MUCL1: variants seen among roughly 807,000 people sequenced by gnomAD.
MUCL1 encodes mucin-like protein 1.
MUCL1 carries 11 observed loss-of-function variants against 9.2 expected under a neutral mutation model. That is an observed-to-expected ratio of 1.19 (90% CI 0.75 to 1.97). MUCL1 has a LOEUF of 1.97. Ranked by LOEUF, MUCL1 falls within the 30% of genes most tolerant of loss-of-function variation. The pLI is 0.00. For missense variants in MUCL1, 144 were observed against 110.9 expected, an observed-to-expected ratio of 1.30 and a Z score of -1.34; for synonymous variants, 48 against 40.5, an observed-to-expected ratio of 1.19 and a Z score of -0.71.
chr12:54,849,267 TG>T (rs1314346562), intron 1 of MUCL1, among the ~76,000 whole-genome samples: 8 of 152,136 alleles, frequency 5.3e-5, no homozygotes, highest in Non-Finnish European at 1.2e-4. Context: ...ATTTGCTTTT[TG>T]GTATTGATGA....
At chr12:54,855,266 C>G (rs544913411) in intron 2 of MUCL1, 109 bp downstream of exon 2, 2 of 957,722 alleles carry the variant, frequency 2.1e-6, no homozygotes, top group Non-Finnish European at 1.6e-6. Context: ...ATAAGGAATC[C>G]TAAGCAAAAG....
intron 1 of MUCL1, among the ~76,000 whole-genome samples, chr12:54,847,495 A>G (rs1334407558): frequency 6.6e-6 from 1 of 152,130 alleles, no homozygotes; most frequent in Non-Finnish European, 1.5e-5. Context: ...CATGCCTGTA[A>G]TCCCAGCTAC....
chr12:54,836,805 A>G (rs1442974904), upstream of MUCL1, among the ~76,000 whole-genome samples: 1 of 152,202 alleles, frequency 6.6e-6, no homozygotes, highest in Non-Finnish European at 1.5e-5. Context: ...ATTTTGAAGA[A>G]TTTTTGAATT....
chr12:54,850,229 A>G (rs1457782214), upstream of MUCL1, among the ~76,000 whole-genome samples: 1 of 152,124 alleles, frequency 6.6e-6, no homozygotes, highest in Non-Finnish European at 1.5e-5. Flanking sequence ...TTACATATGT[A>G]TACATGTGCC....
chr12:54,854,198 G>C (rs1354862358), upstream of MUCL1, among the ~76,000 whole-genome samples: 1 of 152,182 alleles, frequency 6.6e-6, no homozygotes, highest in Non-Finnish European at 1.5e-5. Flanking sequence ...GCAGATTTCA[G>C]GAAGGCTGGT....
At chr12:54,849,602 A>G (rs548709142), upstream of MUCL1, among the ~76,000 whole-genome samples, 5 of 152,232 alleles carry the variant, frequency 3.3e-5, no homozygotes, top group African/African-American at 1.2e-4. Flanking sequence ...TTGGTTATAC[A>G]TACAATATAT....
chr12:54,842,092 A>G (rs1959215234), intron 1 of MUCL1, among the ~76,000 whole-genome samples: 1 of 152,128 alleles, frequency 6.6e-6, no homozygotes, highest in Non-Finnish European at 1.5e-5. Flanking sequence ...AATTGCCTTC[A>G]ATCTATAAAT....
intron 2 of MUCL1, 44 bp downstream of exon 2, chr12:54,855,201 T>C (rs1428932062): frequency 6.3e-7 from 1 of 1,581,764 alleles, no homozygotes; most frequent in Admixed American, 1.7e-5. Context: ...CAATAACCAT[T>C]TTTCACTTCC....
At chr12:54,843,532 G>A (rs973294576) in intron 1 of MUCL1, among the ~76,000 whole-genome samples, 2 of 152,186 alleles carry the variant, frequency 1.3e-5, no homozygotes, top group African/African-American at 2.4e-5. Flanking sequence ...TTGTTAATTA[G>A]CTGAACATAT....
At chr12:54,846,208 G>A (rs1959252165) in intron 1 of MUCL1, among the ~76,000 whole-genome samples, 2 of 152,108 alleles carry the variant, frequency 1.3e-5, no homozygotes. Flanking sequence ...TCTGCAGATG[G>A]CAAAACTGAA....
At chr12:54,836,976 T>C (rs1271407141), upstream of MUCL1, among the ~76,000 whole-genome samples, 2 of 152,232 alleles carry the variant, frequency 1.3e-5, no homozygotes, top group African/African-American at 4.8e-5. Flanking sequence ...TTTTAAAATA[T>C]ATTGACTTGT....
chr12:54,855,041 T>C, intron 1 of MUCL1, 75 bp from the exon 2 acceptor site: 1 of 1,250,014 alleles, frequency 8.0e-7, no homozygotes, highest in Middle Eastern at 1.9e-4. Flanking sequence ...TGGAATATTG[T>C]CCATATTCTC....
At chr12:54,839,507 G>C (rs1449861799) in intron 1 of MUCL1, 5 of 700,686 alleles carry the variant, frequency 7.1e-6, no homozygotes, top group Non-Finnish European at 1.3e-5. Flanking sequence ...AGGCAGCTGG[G>C]GGAGGTCTCA....
chr12:54,855,412 C>T (rs1446113086), intron 2 of MUCL1: 1 of 452,976 alleles, frequency 2.2e-6, no homozygotes, highest in Non-Finnish European at 4.0e-6. Flanking sequence ...CATTGTTTTC[C>T]AGCATAAGGC....
intron 1 of MUCL1, among the ~76,000 whole-genome samples, chr12:54,840,157 G>C (rs1469200629): frequency 6.6e-6 from 1 of 152,182 alleles, no homozygotes; most frequent in African/African-American, 2.4e-5. Context: ...AAGGAATCCA[G>C]TGATGTGATA....
At chr12:54,837,000 A>G (rs143971537), upstream of MUCL1, among the ~76,000 whole-genome samples, 1 of 152,132 alleles carries the variant, frequency 6.6e-6, no homozygotes, top group African/African-American at 2.4e-5. Context: ...ATCTCTTATT[A>G]TATGGTCTAT....
At chr12:54,852,212 C>T (rs1258309322), upstream of MUCL1, among the ~76,000 whole-genome samples, 2 of 152,052 alleles carry the variant, frequency 1.3e-5, no homozygotes, top group African/African-American at 4.8e-5. Context: ...AATCCTAAGC[C>T]AAAAGAACAA....
At chr12:54,855,775 A>G (rs1868294086) in intron 2 of MUCL1, among the ~76,000 whole-genome samples, 1 of 152,248 alleles carries the variant, frequency 6.6e-6, no homozygotes, top group Admixed American at 6.5e-5. Context: ...TGTTGTGCCC[A>G]TGCACAAGTT....
At chr12:54,846,611 C>A (rs1959260141) in intron 1 of MUCL1, among the ~76,000 whole-genome samples, 8 of 152,022 alleles carry the variant, frequency 5.3e-5, no homozygotes, top group Admixed American at 5.2e-4. Context: ...ACTGGGGAAA[C>A]AATGAGAAGT....
Sources: gnomAD v4.1 joint callset for allele counts (sites outside exome capture counted in the v4.1 genomes callset) on GRCh38, gnomAD v4.1.1 for gene constraint, MANE v1.5 for transcripts, NCBI Gene and HGNC (gene_info 2026-07-23, HGNC 2026-07-21) for gene names.